The following TBCE variants were observed in gnomAD, a reference collection of about 807,000 sequenced individuals.
TBCE encodes the protein tubulin-specific chaperone E.
A neutral mutation model predicts 77.0 loss-of-function variants in TBCE; 53 were observed. That is an observed-to-expected ratio of 0.69 (90% CI 0.55 to 0.87). The LOEUF is 0.87. TBCE is among the 40% of genes least tolerant of loss of function. TBCE has a pLI of 0.00. For synonymous variants in TBCE, 235 were observed against 241.3 expected (o/e 0.97, Z 0.24); for missense variants, 624 against 622.4 (o/e 1.00, Z -0.03).
At chr1:235,421,082 G>T (rs1337092854) in intron 5 of TBCE, among the ~76,000 whole-genome samples, 1 of 151,794 alleles carries the variant, frequency 6.6e-6, no homozygotes, top group Non-Finnish European at 1.5e-5. Context: ...TTTCTTTTTT[G>T]CCTGTAAGCA....
At chr1:235,426,805 C>G (rs988845087) in intron 5 of TBCE, among the ~76,000 whole-genome samples, 1 of 152,170 alleles carries the variant, frequency 6.6e-6, no homozygotes, top group African/African-American at 2.4e-5. Flanking sequence ...GCCACCACAC[C>G]TGGTTAATTT....
At chr1:235,400,781 G>T (rs1398458628) in intron 2 of TBCE, among the ~76,000 whole-genome samples, 1 of 149,922 alleles carries the variant, frequency 6.7e-6, no homozygotes. Flanking sequence ...TGCAACCTCC[G>T]CCTCCCGGGT....
intron 2 of TBCE, 59 bp downstream of exon 2, chr1:235,380,208 T>A: frequency 1.2e-6 from 1 of 853,654 alleles, no homozygotes; most frequent in Non-Finnish European, 1.7e-6. Context: ...TGTGTGTGTG[T>A]GTGTGTATTT....
At chr1:235,373,439 C>T (rs547433211) in intron 1 of TBCE, among the ~76,000 whole-genome samples, 7 of 151,526 alleles carry the variant, frequency 4.6e-5, no homozygotes, top group African/African-American at 1.2e-4. Context: ...AAGAATGTAA[C>T]GTCTACATTT....
chr1:235,442,303 T>C (rs747195414), intron 14 of TBCE, among the ~76,000 whole-genome samples: 3 of 152,186 alleles, frequency 2.0e-5, no homozygotes, highest in Non-Finnish European at 2.9e-5. Context: ...CCCGAGTAGC[T>C]GGGATTACAG....
chr1:235,387,119 G>A (rs1480700000), intron 2 of TBCE, among the ~76,000 whole-genome samples: 11 of 152,286 alleles, frequency 7.2e-5, no homozygotes, highest in South Asian at 4.1e-4. Context: ...GCGGATTTTC[G>A]TGAACCGCGA....
intron 14 of TBCE, 102 bp from the exon 15 acceptor site, chr1:235,442,750 A>G (rs1681981439): frequency 9.0e-7 from 1 of 1,114,604 alleles, no homozygotes; most frequent in African/African-American, 1.6e-5. Context: ...GCCAATTTGC[A>G]CTGAATACCT....
In TBCE at chr1:235,380,161, T is replaced by TTG. The variant is rs10524346; in HGVS notation, c.100+64_100+65dup. ...CCCTCCCGTGGCAGGTAAGCAATTA[T>TTG]TGTGTGTGTGTGTGTGTGTGTGTGT... On this transcript the variant is annotated intron_variant, in intron 2 of 16. Coordinates refer to ENST00000642610, the MANE Select transcript of TBCE (RefSeq NM_003193.5). The TTG allele has an allele frequency of 6.3e-3, 7,114 of 1,136,660 alleles. 32 individuals carry two copies. The highest frequency in any genetic ancestry group is 9.5e-3 in the Admixed American group (524 of 55,010). The allele number at this position is 1,136,660 out of a possible 1,614,324, so 70.4% of individuals were successfully genotyped here. A position where few individuals can be genotyped will look rare whatever the true frequency, so the allele number is the denominator to read the frequency against.
chr1:235,401,003 CT>C (rs1226053601), intron 2 of TBCE, among the ~76,000 whole-genome samples: 440 of 136,506 alleles, frequency 3.2e-3, no homozygotes, highest in East Asian at 3.4e-3. Context: ...TGTGCCTGGG[CT>C]TTTTTTTTTT....
chr1:235,390,299 C>T (rs1343250006), intron 2 of TBCE, among the ~76,000 whole-genome samples: 1 of 152,060 alleles, frequency 6.6e-6, no homozygotes, highest in Non-Finnish European at 1.5e-5. Flanking sequence ...GGATAATAGC[C>T]TCCCAAAGAT....
At position 235,401,570 on chromosome 1, in the gene TBCE, T is replaced by A. The variant is rs764110903; in HGVS notation, c.168T>A (p.Thr56=). 1 of 1,613,742 alleles carries A rather than the reference T, an allele frequency of 6.2e-7. No individual in the cohort carries two copies. The highest frequency in any genetic ancestry group is 8.5e-7 in the Non-Finnish European group (1 of 1,179,748). Residue 56 remains threonine (T), a synonymous_variant, in exon 3 of 17, where the codon ACT becomes ACA. Coordinates refer to ENST00000642610, the MANE Select transcript of TBCE (RefSeq NM_003193.5). ...RGKHDGSHEG[T]VYFKCRHPTG... ...AGCATGATGGGAGCCACGAAGGGAC[T>A]GTGTATTTTAAATGCAGGTAACTTT...
chr1:235,446,183 CT>C lies in TBCE; in HGVS notation c.1400-2156del, dbSNP rs11463602. ...CAATATATTATAAAACCTATACATC[CT>C]TTTTTTTTTGAGACGGAGTCTCATT... On this transcript the variant is annotated intron_variant, in intron 15 of 16. Coordinates refer to ENST00000642610, the MANE Select transcript of TBCE (RefSeq NM_003193.5). 6.7e-5 allele frequency among the ~76,000 whole-genome samples: 10 copies of C among 149,094 alleles called. No individual in the cohort carries two copies. The East Asian group carries it at 1.2e-3, about 17-fold the overall frequency.
chr1:235,393,858 T>C (rs1678558078), intron 2 of TBCE, among the ~76,000 whole-genome samples: 1 of 152,192 alleles, frequency 6.6e-6, no homozygotes, highest in South Asian at 2.1e-4. Context: ...AGGAAACAGC[T>C]AAGCTTACTG....
At position 235,428,030 on chromosome 1, in the gene TBCE, A is replaced by G. The variant is rs188564911; in HGVS notation, c.560+791A>G. Among the ~76,000 whole-genome samples the G allele has an allele frequency of 8.2e-4, 124 of 151,720 alleles. No individual in the cohort carries two copies. In the East Asian group the frequency reaches 0.024, roughly 29 times the overall value. On this transcript the variant is annotated intron_variant, in intron 6 of 16. Coordinates refer to ENST00000642610, the MANE Select transcript of TBCE (RefSeq NM_003193.5). ...GGGTGATAGAGCAAGACTCCGTCAA[A>G]AAAACAAACAAGGGCCAGGCGCAGT... is the stretch of plus-strand genomic sequence containing the variant.
At chr1:235,395,548 CTTT>C (rs71174424) in intron 2 of TBCE, among the ~76,000 whole-genome samples, 5 of 138,382 alleles carry the variant, frequency 3.6e-5, no homozygotes, top group East Asian at 2.1e-4. Flanking sequence ...TCTTCTTCTT[CTTT>C]TTTTTTTTTT....
intron 6 of TBCE, chr1:235,428,985 A>ATTTTTTTTTTTT (rs35190136): frequency 9.8e-6 from 1 of 102,334 alleles, no homozygotes; most frequent in Non-Finnish European, 1.8e-5. Context: ...ATATATATAT[A>ATTTTTTTTTTTT]TTTTTTTTTT....
chr1:235,448,991 A>ATTTAT lies in TBCE; in HGVS notation c.*233_*237dup. The ATTTAT allele has an allele frequency of 2.2e-6, 1 of 454,238 alleles. No individual in the cohort carries two copies. The highest frequency in any genetic ancestry group is 2.1e-5 in the South Asian group (1 of 46,762). The allele number at this position is 454,238 out of a possible 1,614,324, so 28.1% of individuals were successfully genotyped here. Reference sequence around the variant, plus strand: ...TAATGATTTTCTGATCTTATTTCATATTTATTTTTACAGCTCATCACTGCA... The same window carrying ATTTAT: ...TAATGATTTTCTGATCTTATTTCATATTTATTTTATTTTTACAGCTCATCACTGCA... On this transcript the variant is annotated 3_prime_UTR_variant, in exon 17 of 17. Transcript: ENST00000642610.
chr1:235,412,489 C>T (rs1049288750), intron 3 of TBCE, among the ~76,000 whole-genome samples: 13 of 151,180 alleles, frequency 8.6e-5, no homozygotes, highest in African/African-American at 2.9e-4. Flanking sequence ...CTCAGCCTCC[C>T]AAAATGCTAG....
chr1:235,441,963 G>A (rs1681906422), intron 14 of TBCE, 81 bp downstream of exon 14: 4 of 1,243,998 alleles, frequency 3.2e-6, no homozygotes, highest in African/African-American at 1.5e-5. Context: ...TCTTAAGTGT[G>A]TACCTCTTAA....
Sources: allele counts gnomAD v4.1 joint callset (sites outside exome capture counted in the v4.1 genomes callset), GRCh38; gene constraint gnomAD v4.1.1; transcripts MANE v1.5; gene names NCBI Gene and HGNC (gene_info 2026-07-23, HGNC 2026-07-21).